AUTS2: variants seen among roughly 807,000 people sequenced by gnomAD.
The protein encoded by AUTS2 is autism susceptibility gene 2 protein.
Under a neutral mutation model 112.4 loss-of-function variants are expected in AUTS2, and 17 were observed. That is an observed-to-expected ratio of 0.15 (90% CI 0.10 to 0.23). The LOEUF is 0.23. AUTS2 is among the 10% of genes least tolerant of loss of function. AUTS2 has a pLI of 1.00. For missense variants in AUTS2, 1,510 were observed against 1,701.6 expected, an observed-to-expected ratio of 0.89 and a Z score of 1.98; for synonymous variants, 751 against 702.7, an observed-to-expected ratio of 1.07 and a Z score of -1.09.
At position 70,068,178 on chromosome 7, in the gene AUTS2, C is replaced by G. The variant is rs11971681; in HGVS notation, c.523-49954C>G. Among the ~76,000 whole-genome samples, 515 of 137,738 alleles carry G rather than the reference C, an allele frequency of 3.7e-3. 3 individuals carry two copies. Among genetic ancestry groups the G allele is most frequent in the Non-Finnish European group, 6.2e-3 (392 of 63,046 alleles). The allele number at this position is 137,738 out of a possible 152,430, so 90.4% of individuals were successfully genotyped here. On this transcript the variant is annotated intron_variant, in intron 2 of 18. Coordinates refer to ENST00000342771, the MANE Select transcript of AUTS2 (RefSeq NM_015570.4). Reference sequence around the variant, plus strand: ...CAAAACATAAGTAGATTTTTTTTTTCTTTTTTTTTTTTTTGAGAGAGATGG... The same window carrying G: ...CAAAACATAAGTAGATTTTTTTTTTGTTTTTTTTTTTTTTGAGAGAGATGG...
intron 4 of AUTS2, among the ~76,000 whole-genome samples, chr7:70,217,882 G>T (rs1053413513): frequency 2.6e-5 from 4 of 152,186 alleles, no homozygotes; most frequent in Admixed American, 2.6e-4. Flanking sequence ...TAAGAGGTTG[G>T]TTCTCTGTAT....
intron 5 of AUTS2, among the ~76,000 whole-genome samples, chr7:70,589,700 T>C (rs1383721827): frequency 4.6e-5 from 7 of 152,276 alleles, no homozygotes; most frequent in South Asian, 2.1e-4. Flanking sequence ...GGTGATAGAA[T>C]GAAACTCTGT....
At chr7:69,962,311 C>T (rs1797463494) in intron 2 of AUTS2, among the ~76,000 whole-genome samples, 1 of 152,148 alleles carries the variant, frequency 6.6e-6, no homozygotes, top group South Asian at 2.1e-4. Flanking sequence ...CTGCTAGGCC[C>T]TGTACCTCTT....
At chr7:69,721,321 G>A (rs1275965436) in intron 1 of AUTS2, among the ~76,000 whole-genome samples, 1 of 152,174 alleles carries the variant, frequency 6.6e-6, no homozygotes, top group East Asian at 1.9e-4. Context: ...GATTCAGGTT[G>A]CTGCTAGAAG....
chr7:69,996,727 G>A (rs1329358954), intron 2 of AUTS2, among the ~76,000 whole-genome samples: 1 of 151,774 alleles, frequency 6.6e-6, no homozygotes, highest in Admixed American at 6.6e-5. Flanking sequence ...AGTGCCTGTT[G>A]TAGTATATAT....
Position 70,653,763 on chromosome 7 carries a change from T to C in AUTS2, c.691-44806T>C, listed in dbSNP as rs139278776. Among the ~76,000 whole-genome samples, 1,199 of 152,338 alleles carry C rather than the reference T, an allele frequency of 7.9e-3. 10 individuals carry two copies. Among genetic ancestry groups the C allele is most frequent in the Non-Finnish European group, 9.3e-3 (631 of 68,036 alleles). Reference sequence around the variant, plus strand: ...TAAATCTTGAGATCAGTTGTATTTTTTTCTTTAAAATAACTGGCTACAGTC... The same window carrying C: ...TAAATCTTGAGATCAGTTGTATTTTCTTCTTTAAAATAACTGGCTACAGTC... On this transcript the variant is annotated intron_variant, in intron 5 of 18. Transcript: ENST00000342771.
At chr7:70,433,512 C>T (rs1795761941) in intron 4 of AUTS2, among the ~76,000 whole-genome samples, 1 of 152,200 alleles carries the variant, frequency 6.6e-6, no homozygotes, top group South Asian at 2.1e-4. Flanking sequence ...CAGTATTGTT[C>T]CTCATCCACC....
At chr7:70,411,857 C>G (rs561893658) in intron 4 of AUTS2, among the ~76,000 whole-genome samples, 1 of 151,558 alleles carries the variant, frequency 6.6e-6, no homozygotes, top group Admixed American at 6.6e-5. Flanking sequence ...GACAAAACAG[C>G]CAACGCTGCC....
At position 70,282,015 on chromosome 7, in the gene AUTS2, C is replaced by A. The variant is rs572370057; in HGVS notation, c.660+147444C>A. 1.4e-4 allele frequency among the ~76,000 whole-genome samples: 21 copies of A among 152,312 alleles called. 1 individual carries two copies. The highest frequency in any genetic ancestry group is 4.8e-4 in the African/African-American group (20 of 41,568). On this transcript the variant is annotated intron_variant, in intron 4 of 18. Coordinates refer to ENST00000342771, the MANE Select transcript of AUTS2 (RefSeq NM_015570.4). ...GATTTCAGATATGTAGACAGAAAGT[C>A]AGATTAAGCTTTAATGATAATTTTG...
intron 4 of AUTS2, among the ~76,000 whole-genome samples, chr7:70,242,788 C>T (rs554585171): frequency 2.0e-5 from 3 of 149,874 alleles, no homozygotes; most frequent in East Asian, 1.9e-4. Context: ...AGCTGCACTT[C>T]CCTATGTTGG....
intron 4 of AUTS2, among the ~76,000 whole-genome samples, chr7:70,380,629 C>T (rs991583400): frequency 2.0e-5 from 3 of 152,328 alleles, no homozygotes; most frequent in East Asian, 1.9e-4. Flanking sequence ...GAGAAACTGT[C>T]GAATCCAAAG....
intron 2 of AUTS2, among the ~76,000 whole-genome samples, chr7:70,025,130 A>G (rs1800456067): frequency 6.6e-6 from 1 of 152,182 alleles, no homozygotes; most frequent in South Asian, 2.1e-4. Flanking sequence ...TATAGCATCT[A>G]CCAGTAATTG....
At chr7:69,886,075 C>T (rs1794258465) in intron 1 of AUTS2, among the ~76,000 whole-genome samples, 1 of 152,116 alleles carries the variant, frequency 6.6e-6, no homozygotes, top group African/African-American at 2.4e-5. Flanking sequence ...TAAATAGCCT[C>T]CCAGTATGGT....
intron 2 of AUTS2, among the ~76,000 whole-genome samples, chr7:70,080,688 T>C (rs934760509): frequency 6.6e-6 from 1 of 152,200 alleles, no homozygotes; most frequent in Non-Finnish European, 1.5e-5. Context: ...AATGAGAATG[T>C]AGCTCTGTGT....
chr7:70,197,392 G>T (rs1486674919), intron 4 of AUTS2, among the ~76,000 whole-genome samples: 1 of 151,222 alleles, frequency 6.6e-6, no homozygotes, highest in East Asian at 2.0e-4. Flanking sequence ...CGTGAGCGAC[G>T]CAGAAGACGG....
chr7:70,217,562 C>G (rs1435383520), intron 4 of AUTS2, among the ~76,000 whole-genome samples: 1 of 152,192 alleles, frequency 6.6e-6, no homozygotes, highest in Non-Finnish European at 1.5e-5. Flanking sequence ...GTCTGTCTTG[C>G]AGCTAGGATT....
chr7:70,126,177 T>G (rs184535357), intron 3 of AUTS2, among the ~76,000 whole-genome samples: 104 of 152,272 alleles, frequency 6.8e-4, no homozygotes, highest in African/African-American at 2.4e-3. Context: ...CCAGCACTTT[T>G]GGAGGCCGAG....
intron 4 of AUTS2, among the ~76,000 whole-genome samples, chr7:70,182,093 C>T (rs1438821178): frequency 6.7e-6 from 1 of 150,140 alleles, no homozygotes; most frequent in African/African-American, 2.5e-5. Flanking sequence ...TGAGCCACCA[C>T]GCCCAGCTGA....
At chr7:70,337,197 C>A (rs532389513) in intron 4 of AUTS2, among the ~76,000 whole-genome samples, 2 of 152,320 alleles carry the variant, frequency 1.3e-5, no homozygotes, top group South Asian at 4.1e-4. Flanking sequence ...TGCTGCTCTT[C>A]ACTGAGCTGA....
Sources: allele counts gnomAD v4.1 joint callset (sites outside exome capture counted in the v4.1 genomes callset), GRCh38; gene constraint gnomAD v4.1.1; transcripts MANE v1.5; gene names NCBI Gene and HGNC (gene_info 2026-07-23, HGNC 2026-07-21).